The following WDFY4 variants were observed in gnomAD, a reference collection of about 807,000 sequenced individuals.
The protein encoded by WDFY4 is WD repeat- and FYVE domain-containing protein 4.
A neutral mutation model predicts 351.9 loss-of-function variants in WDFY4; 169 were observed. The ratio of observed to expected loss-of-function variants is 0.48; its 90% CI spans 0.42 to 0.55. The LOEUF (loss-of-function observed/expected upper bound fraction) is 0.55. Ranked by LOEUF, WDFY4 falls within the 20% of genes least tolerant of loss-of-function variation. WDFY4 has a pLI of 0.00. For missense variants in WDFY4, 3,803 were observed against 3,935.6 expected (o/e 0.97, Z 0.90); for synonymous variants, 1,622 against 1,574.6 (o/e 1.03, Z -0.71).
At chr10:48,781,439 A>T (rs2132663112) in intron 19 of WDFY4, among the ~76,000 whole-genome samples, 1 of 152,056 alleles carries the variant, frequency 6.6e-6, no homozygotes, top group East Asian at 1.9e-4. Context: ...TGGGATTACA[A>T]GCGCCCACCA....
At chr10:48,961,034 C>A (rs1487360399) in intron 53 of WDFY4, among the ~76,000 whole-genome samples, 1 of 152,212 alleles carries the variant, frequency 6.6e-6, no homozygotes, top group African/African-American at 2.4e-5. Flanking sequence ...TATAAAAACA[C>A]TTTGAACTGG....
chr10:48,687,375 C>T (rs545376411), intron 1 of WDFY4, among the ~76,000 whole-genome samples: 304 of 152,124 alleles, frequency 2.0e-3, no homozygotes, highest in African/African-American at 7.0e-3. Context: ...ATCCACCTGT[C>T]GCTTTATGAT....
chr10:48,745,866 T>C (rs1427721405), intron 12 of WDFY4: 3 of 315,336 alleles, frequency 9.5e-6, no homozygotes, highest in South Asian at 3.4e-5. Flanking sequence ...TCGCTGGGCC[T>C]TGCGGACCGC....
At chr10:48,720,705 T>C (rs543171521) in intron 3 of WDFY4, among the ~76,000 whole-genome samples, 22 of 152,060 alleles carry the variant, frequency 1.4e-4, no homozygotes, top group Non-Finnish European at 2.8e-4. Context: ...AGTGCTAGGA[T>C]TGAAGATGCA....
At chr10:48,840,659 A>T (rs1019660846) in intron 39 of WDFY4, among the ~76,000 whole-genome samples, 4 of 152,204 alleles carry the variant, frequency 2.6e-5, no homozygotes, top group Non-Finnish European at 4.4e-5. Context: ...CTGAACAAGG[A>T]CGAGAGTTCC....
At chr10:48,804,054 G>A (rs776540779) in intron 25 of WDFY4, among the ~76,000 whole-genome samples, 2 of 152,228 alleles carry the variant, frequency 1.3e-5, no homozygotes. Context: ...GAGTCTCATT[G>A]AGCCAACTGT....
intron 2 of WDFY4, among the ~76,000 whole-genome samples, chr10:48,714,718 G>A (rs2063854165): frequency 6.6e-6 from 1 of 152,350 alleles, no homozygotes; most frequent in South Asian, 2.1e-4. Flanking sequence ...TTCATAGAAT[G>A]TGGACTTTGA....
chr10:48,976,370 A>T (rs917402739), intron 58 of WDFY4, among the ~76,000 whole-genome samples: 4 of 152,200 alleles, frequency 2.6e-5, no homozygotes, highest in African/African-American at 9.6e-5. Context: ...ACATGCAGTC[A>T]TTGGAACTTC....
At chr10:48,867,455 A>C in intron 40 of WDFY4, 113 bp downstream of exon 40, 4 of 574,970 alleles carry the variant, frequency 7.0e-6, no homozygotes. Flanking sequence ...CCAGGCTTGC[A>C]CCATGTTGGG....
intron 46 of WDFY4, among the ~76,000 whole-genome samples, chr10:48,901,207 G>A (rs1383645147): frequency 6.6e-6 from 1 of 152,240 alleles, no homozygotes; most frequent in Non-Finnish European, 1.5e-5. Flanking sequence ...GCCTGCTCAT[G>A]CGGTTCTTCC....
In WDFY4 at chr10:48,820,411, T is replaced by C. The variant is rs1344125871; in HGVS notation, c.5683T>C (p.Trp1895Arg). Reference protein sequence around the residue: ...LLLGASSPKQWLPLEVLLEAS... With the variant: ...LLLGASSPKQRLPLEVLLEAS... The stretch of plus-strand genomic sequence containing the variant: ...GCTTGGAGCCTCCAGCCCCAAGCAG[T>C]GGCTGCCCCTGGAGGTGCTCCTGGA... Residue 1895 changes from tryptophan to arginine, a missense_variant, in exon 33 of 62, where the codon TGG becomes CGG. Around this residue, in one of 3 missense-constraint regions of WDFY4, gnomAD observed 3,054 missense variants for 3,148.6 expected, o/e 0.97. Coordinates refer to ENST00000325239, the MANE Select transcript of WDFY4 (RefSeq NM_001394531.1). The C allele has an allele frequency of 1.3e-6, 2 of 1,551,352 alleles. No homozygotes were observed. The highest frequency in any genetic ancestry group is 2.4e-5 in the South Asian group (2 of 84,054).
chr10:48,896,344 G>A (rs149318977), intron 44 of WDFY4, among the ~76,000 whole-genome samples: 230 of 152,346 alleles, frequency 1.5e-3, no homozygotes, highest in Middle Eastern at 6.8e-3. Flanking sequence ...AGGGTAGGAA[G>A]GAGAATTACC....
chr10:48,894,199 A>C (rs1836957161), intron 44 of WDFY4, among the ~76,000 whole-genome samples: 1 of 152,248 alleles, frequency 6.6e-6, no homozygotes, highest in Admixed American at 6.5e-5. Flanking sequence ...AGCAGGAGGA[A>C]AATGACTATC....
At chr10:48,837,910 C>T (rs1226287503) in intron 39 of WDFY4, among the ~76,000 whole-genome samples, 1 of 152,234 alleles carries the variant, frequency 6.6e-6, no homozygotes, top group African/African-American at 2.4e-5. Context: ...GGGGGACCCA[C>T]TCACCAGCCT....
At chr10:48,884,518 A>G (rs1180008532) in intron 43 of WDFY4, among the ~76,000 whole-genome samples, 3 of 152,066 alleles carry the variant, frequency 2.0e-5, no homozygotes, top group African/African-American at 7.2e-5. Context: ...ATGTGCAACC[A>G]CATGCACACA....
At chr10:48,727,793 G>C in intron 7 of WDFY4, 134 bp downstream of exon 7, 2 of 1,130,796 alleles carry the variant, frequency 1.8e-6, no homozygotes, top group Non-Finnish European at 2.5e-6. Flanking sequence ...ATTTGCAAAA[G>C]TGATTCATTG....
At chr10:48,795,710 C>A (rs752697649) in intron 23 of WDFY4, among the ~76,000 whole-genome samples, 16 of 151,758 alleles carry the variant, frequency 1.1e-4, no homozygotes, top group Non-Finnish European at 2.4e-4. Flanking sequence ...CAGATTAGGT[C>A]GCTCAAGGCT....
At chr10:48,974,787 A>G (rs1317678196) in intron 57 of WDFY4, 75 bp from the exon 58 acceptor site, 27 of 1,398,388 alleles carry the variant, frequency 1.9e-5, no homozygotes, top group Non-Finnish European at 2.5e-5. Flanking sequence ...ACCCAGCTTT[A>G]TAGGGAGGGT....
intron 35 of WDFY4, chr10:48,823,080 C>A: frequency 8.1e-7 from 1 of 1,233,996 alleles, no homozygotes; most frequent in Non-Finnish European, 1.1e-6. Flanking sequence ...ACCTGTAGGG[C>A]CATCATTGAA....
Sources: allele counts gnomAD v4.1 joint callset (sites outside exome capture counted in the v4.1 genomes callset), GRCh38; gene constraint gnomAD v4.1.1; regional missense constraint gnomAD v4.1.1; transcripts MANE v1.5; gene names NCBI Gene and HGNC (gene_info 2026-07-23, HGNC 2026-07-21).